Variants in SLC1A4 observed in about 807,000 individuals in gnomAD.
The protein encoded by SLC1A4 is neutral amino acid transporter A.
In SLC1A4, 19 loss-of-function variants were observed where a neutral mutation model predicts 37.7. That is an observed-to-expected ratio of 0.50 (90% CI 0.35 to 0.74). The LOEUF is 0.74. Ranked by LOEUF, SLC1A4 falls within the 30% of genes least tolerant of loss-of-function variation. The pLI is 0.01. For missense variants in SLC1A4, 570 were observed against 712.9 expected (o/e 0.80, Z 2.28); for synonymous variants, 299 against 309.8 (o/e 0.97, Z 0.37).
intron 4 of SLC1A4, among the ~76,000 whole-genome samples, chr2:65,014,189 AACAAAGTTAAAAGT>A (rs1297967676): frequency 6.6e-6 from 1 of 152,336 alleles, no homozygotes; most frequent in African/African-American, 2.4e-5. Flanking sequence ...AGATACTTTG[AACAAAGTTAAAAGT>A]CAAGACATTC....
intron 4 of SLC1A4, among the ~76,000 whole-genome samples, chr2:65,015,759 G>A (rs554884254): frequency 4.6e-5 from 7 of 152,000 alleles, no homozygotes; most frequent in Non-Finnish European, 7.4e-5. Context: ...TATTACCTAC[G>A]CAATTAAAAT....
At position 64,989,806 on chromosome 2, in the gene SLC1A4, G is replaced by T. The variant is rs1207084183; in HGVS notation, c.163G>T (p.Gly55Cys). Residue 55 changes from glycine to cysteine, a missense_variant, in exon 1 of 8, where the codon GGC becomes TGC. Coordinates refer to ENST00000234256, the MANE Select transcript of SLC1A4 (RefSeq NM_003038.5). ...VLLTVSGVLA[G>C]AGLGAALRGL... ...GCTCACCGTGTCCGGGGTGCTGGCG[G>T]GCGCGGGCCTGGGCGCGGCGTTGCG... 1 of 1,524,866 alleles carries T rather than the reference G, an allele frequency of 6.6e-7. No homozygotes were observed. Among genetic ancestry groups the T allele is most frequent in the Non-Finnish European group, 8.8e-7 (1 of 1,139,938 alleles). 94.5% of individuals were successfully genotyped at this position (1,524,866 alleles called of 1,614,324 possible). A position where few individuals can be genotyped will look rare whatever the true frequency, so the allele number is the denominator to read the frequency against.
At chr2:64,988,514 C>CCAAG, upstream of SLC1A4, 1 of 152,502 alleles carries the variant, frequency 6.6e-6, no homozygotes, top group South Asian at 2.1e-4. Flanking sequence ...CGACCCAGCC[C>CCAAG]CATCCTGATG....
chr2:65,008,720 C>G (rs1673784657), intron 3 of SLC1A4, among the ~76,000 whole-genome samples: 1 of 152,186 alleles, frequency 6.6e-6, no homozygotes, highest in African/African-American at 2.4e-5. Flanking sequence ...ACACTCCAGA[C>G]AGAGTGAGCC....
At position 64,989,526 on chromosome 2, in the gene SLC1A4, G is replaced by A. The variant is rs1182487644; in HGVS notation, c.-118G>A. 1.1e-6 allele frequency: 1 copy of A among 918,352 alleles called. No individual in the cohort carries two copies. The highest frequency in any genetic ancestry group is 1.8e-5 in the African/African-American group (1 of 56,960). The allele number at this position is 918,352 out of a possible 1,614,324, so 56.9% of individuals were successfully genotyped here. A position where few individuals can be genotyped will look rare whatever the true frequency, so the allele number is the denominator to read the frequency against. On this transcript the variant is annotated 5_prime_UTR_variant, in exon 1 of 8. Transcript: ENST00000234256. ...CTGCGCCAGGCCCGGAGACCCCCGG[G>A]GCGGCTTCCCAGAACCTGCGGAGCA... is the stretch of plus-strand genomic sequence containing the variant.
chr2:65,012,901 T>A (rs1378617861), intron 4 of SLC1A4, among the ~76,000 whole-genome samples: 1 of 152,114 alleles, frequency 6.6e-6, no homozygotes, highest in Non-Finnish European at 1.5e-5. Context: ...AAATTAAATT[T>A]AAAAGTAAAA....
In SLC1A4 at chr2:65,016,498, A is replaced by G. The variant is rs943261604; in HGVS notation, c.859A>G (p.Ile287Val). The change falls in exon 5 of 8, where the codon ATC (isoleucine) becomes GTC (valine). Residue 287 changes from isoleucine (I) to valine (V), a missense_variant. Transcript: ENST00000234256. ...AAGCAAGATCGTGGAAATGAAAGAC[A>G]TCATCGTGCTGGTGACCAGCCTGGG... ...VGSKIVEMKDIIVLVTSLGKY... is the reference protein window; with the variant it reads ...VGSKIVEMKDVIVLVTSLGKY... The G allele has an allele frequency of 5.0e-6, 8 of 1,614,206 alleles. No homozygotes were observed. Among genetic ancestry groups the G allele is most frequent in the Non-Finnish European group, 6.8e-6 (8 of 1,180,028 alleles).
chr2:65,004,084 C>T lies in SLC1A4; in HGVS notation c.633+69C>T, dbSNP rs1673582371. ...AAATCTTATTTCTTCTTTGAAGGAG[C>T]ATACAGGACGTGGGCTGAAAACTTT... is the stretch of plus-strand genomic sequence containing the variant. On this transcript the variant is annotated intron_variant, in intron 3 of 7. Coordinates refer to ENST00000234256, the MANE Select transcript of SLC1A4 (RefSeq NM_003038.5). The T allele has an allele frequency of 5.2e-6, 7 of 1,342,382 alleles. No homozygotes were observed. In the Admixed American group the frequency reaches 1.2e-4, roughly 24 times the overall value. The allele number at this position is 1,342,382 out of a possible 1,614,324, so 83.2% of individuals were successfully genotyped here.
rs559443185 is a variant in SLC1A4, at chr2:65,012,882, T to C, written c.800+2119T>C. 4.6e-5 allele frequency among the ~76,000 whole-genome samples: 7 copies of C among 152,330 alleles called. No individual in the cohort carries two copies. The South Asian group carries it at 1.5e-3, about 32-fold the overall frequency. ...AGTGAGGCCCTATCTCTACAAAATA[T>C]AAACAATTAAATTAAATTTAAAAGT... On this transcript the variant is annotated intron_variant, in intron 4 of 7. Transcript: ENST00000234256.
intron 1 of SLC1A4, among the ~76,000 whole-genome samples, chr2:64,996,191 C>T (rs925133023): frequency 6.6e-6 from 1 of 152,142 alleles, no homozygotes; most frequent in Non-Finnish European, 1.5e-5. Flanking sequence ...ACACTATACC[C>T]GCCCCCCAAC....
At chr2:65,004,113 G>A (rs1673584622) in intron 3 of SLC1A4, 98 bp downstream of exon 3, 1 of 976,598 alleles carries the variant, frequency 1.0e-6, no homozygotes, top group Non-Finnish European at 1.6e-6. Context: ...AAACTTTGAG[G>A]TTTGAATGGG....
At chr2:64,988,513 C>G (rs1445319832), upstream of SLC1A4, 1 of 152,402 alleles carries the variant, frequency 6.6e-6, no homozygotes, top group African/African-American at 2.4e-5. Flanking sequence ...GCGACCCAGC[C>G]CCATCCTGAT....
intron 2 of SLC1A4, among the ~76,000 whole-genome samples, chr2:65,002,049 G>A (rs1334833971): frequency 1.3e-5 from 2 of 152,182 alleles, no homozygotes; most frequent in African/African-American, 4.8e-5. Flanking sequence ...GGAGGCCAAG[G>A]TGGGTGGATC....
chr2:64,998,813 T>C (rs544220988), intron 1 of SLC1A4, among the ~76,000 whole-genome samples: 86 of 152,336 alleles, frequency 5.6e-4, no homozygotes, highest in African/African-American at 1.8e-3. Context: ...CTTGTACCAA[T>C]TGAGGAAACA....
At position 64,989,826 on chromosome 2, in the gene SLC1A4, G is replaced by A. The variant is rs913627584; in HGVS notation, c.183G>A (p.Ala61=). The A allele has an allele frequency of 5.2e-6, 8 of 1,534,300 alleles. No individual in the cohort carries two copies. Among genetic ancestry groups the A allele is most frequent in the African/African-American group, 1.4e-5 (1 of 72,560 alleles). ...TGGCGGGCGCGGGCCTGGGCGCGGC[G>A]TTGCGCGGGCTCAGCCTGAGCCGCA... is the stretch of plus-strand genomic sequence containing the variant. ...GVLAGAGLGA[A]LRGLSLSRTQ... is the part of the protein sequence containing the mutation. The change falls in exon 1 of 8, where the codon GCG becomes GCA. Residue 61 remains alanine, a synonymous_variant. Coordinates refer to ENST00000234256, the MANE Select transcript of SLC1A4 (RefSeq NM_003038.5).
At chr2:65,011,715 A>G (rs563572167) in intron 4 of SLC1A4, among the ~76,000 whole-genome samples, 10 of 152,264 alleles carry the variant, frequency 6.6e-5, no homozygotes, top group Non-Finnish European at 1.0e-4. Flanking sequence ...TCCAGTATCA[A>G]TCTCTCATAA....
Position 65,010,672 on chromosome 2 carries a change from T to G in SLC1A4, c.709T>G (p.Leu237Val). Reference protein sequence around the residue: ...VLFALVLGVALKKLGSEGEDL... With the variant: ...VLFALVLGVAVKKLGSEGEDL... ...GTTTGCTCTGGTGTTAGGAGTGGCC[T>G]TAAAGAAACTAGGCTCCGAAGGAGA... Residue 237 changes from leucine (L) to valine (V), a missense_variant, in exon 4 of 8, where the codon TTA (leucine) becomes GTA (valine). Transcript: ENST00000234256. The G allele has an allele frequency of 6.2e-7, 1 of 1,614,214 alleles. No individual in the cohort carries two copies. Among genetic ancestry groups the G allele is most frequent in the African/African-American group, 1.3e-5 (1 of 75,072 alleles).
At chr2:64,998,490 A>G (rs907665660) in intron 1 of SLC1A4, among the ~76,000 whole-genome samples, 1 of 152,076 alleles carries the variant, frequency 6.6e-6, no homozygotes, top group South Asian at 2.1e-4. Context: ...ACTTTATCAG[A>G]AACTGTCAAA....
intron 1 of SLC1A4, among the ~76,000 whole-genome samples, chr2:64,997,971 C>G (rs545011450): frequency 1.3e-5 from 2 of 151,874 alleles, no homozygotes; most frequent in Admixed American, 6.6e-5. Flanking sequence ...CAGTGGCTCA[C>G]GCCTGTAATC....
Sources: gnomAD v4.1 joint callset for allele counts (sites outside exome capture counted in the v4.1 genomes callset) on GRCh38, gnomAD v4.1.1 for gene constraint, MANE v1.5 for transcripts, NCBI Gene and HGNC (gene_info 2026-07-23, HGNC 2026-07-21) for gene names.